Variants in LAMA2 observed in about 807,000 individuals in gnomAD.
LAMA2 encodes laminin subunit alpha 2.
In LAMA2, 269 loss-of-function variants were observed where a neutral mutation model predicts 364.8. That is an observed-to-expected ratio of 0.74 (90% CI 0.67 to 0.82). The LOEUF (loss-of-function observed/expected upper bound fraction) is 0.82. Among genes scored for constraint, LAMA2 ranks in the 40% least tolerant of loss-of-function variants. The pLI is 0.00. For missense variants in LAMA2, 3,807 were observed against 3,873.2 expected (o/e 0.98, Z 0.45); for synonymous variants, 1,379 against 1,370.6 (o/e 1.01, Z -0.14).
rs1583219832 is a variant in LAMA2, at chr6:129,192,796, G to A, written c.1725G>A (p.Arg575=). Reference sequence around the variant, plus strand: ...TCAGCATCAGTAACGCGGAGGCCCGGCAAGCCCTGCCGCACAGCTACTACT... The same window carrying A: ...TCAGCATCAGTAACGCGGAGGCCCGACAAGCCCTGCCGCACAGCTACTACT... The part of the protein sequence containing the change: ...QQISISNAEA[R]QALPHSYYWS... Residue 575 remains arginine, a synonymous_variant, in exon 12 of 65, where the codon CGG becomes CGA. Coordinates refer to ENST00000421865, the MANE Select transcript of LAMA2 (RefSeq NM_000426.4). 1 of 1,614,174 alleles carries A rather than the reference G, an allele frequency of 6.2e-7. No homozygotes were observed. Among genetic ancestry groups the A allele is most frequent in the East Asian group, 2.2e-5 (1 of 44,872 alleles).
chr6:129,477,099 G>A (rs1262780045), intron 53 of LAMA2, among the ~76,000 whole-genome samples: 1 of 152,090 alleles, frequency 6.6e-6, no homozygotes, highest in East Asian at 1.9e-4. Flanking sequence ...TTTTACCGAT[G>A]CTGATTACCA....
At position 129,516,505 on chromosome 6, in the gene LAMA2, ATT is replaced by A; in HGVS notation, c.*161_*162del. On this transcript the variant is annotated 3_prime_UTR_variant, in exon 65 of 65. Transcript: ENST00000421865. ...GGTGCTAATTCAGACTCCAGACTGA[ATT>A]TTAATTCAAGTTCTTTCTCAAGTCT... is the stretch of plus-strand genomic sequence containing the variant. 1.4e-6 allele frequency: 1 copy of A among 703,712 alleles called. No individual in the cohort carries two copies. The highest frequency in any genetic ancestry group is 2.5e-6 in the Non-Finnish European group (1 of 407,186). 43.6% of individuals were successfully genotyped at this position (703,712 alleles called of 1,614,324 possible). A position where few individuals can be genotyped will look rare whatever the true frequency, so the allele number is the denominator to read the frequency against.
chr6:129,364,263 C>G (rs550563112), intron 32 of LAMA2, among the ~76,000 whole-genome samples: 7 of 152,278 alleles, frequency 4.6e-5, no homozygotes, highest in Admixed American at 2.6e-4. Context: ...TTACAAGCAC[C>G]AGTTAATGGT....
chr6:129,191,143 A>G (rs1781501743), intron 11 of LAMA2, among the ~76,000 whole-genome samples: 1 of 152,220 alleles, frequency 6.6e-6, no homozygotes, highest in South Asian at 2.1e-4. Flanking sequence ...TGAATATACT[A>G]AGAATTTGAG....
intron 22 of LAMA2, among the ~76,000 whole-genome samples, chr6:129,311,342 C>G (rs1470380159): frequency 6.6e-6 from 1 of 152,044 alleles, no homozygotes; most frequent in Admixed American, 6.5e-5. Context: ...AGGACGGTCT[C>G]AATCTCCTGA....
intron 3 of LAMA2, among the ~76,000 whole-genome samples, chr6:129,088,506 G>GCGGC (rs1774548810): frequency 2.0e-5 from 3 of 151,270 alleles, no homozygotes; most frequent in Admixed American, 6.6e-5. Flanking sequence ...CCCAGACGGG[G>GCGGC]TGGCTGGCCA....
intron 3 of LAMA2, among the ~76,000 whole-genome samples, chr6:129,061,959 A>T (rs1468040631): frequency 6.6e-6 from 1 of 152,244 alleles, no homozygotes; most frequent in African/African-American, 2.4e-5. Context: ...ATCTCTAAAA[A>T]TGTAATAAAT....
intron 1 of LAMA2, among the ~76,000 whole-genome samples, chr6:128,920,433 G>A (rs1778625149): frequency 6.6e-6 from 1 of 151,998 alleles, no homozygotes; most frequent in Non-Finnish European, 1.5e-5. Context: ...TGGGATTACA[G>A]GCGTGAGCCA....
chr6:129,192,777 T>A lies in LAMA2; in HGVS notation c.1706T>A (p.Ile569Asn), dbSNP rs752165636. Residue 569 changes from isoleucine to asparagine, a missense_variant, in exon 12 of 65, where the codon ATC becomes AAC. Physicochemically the swap from Ile to Asn is moderately radical, Grantham distance 149. Transcript: ENST00000421865. Reference protein sequence around the residue: ...DDLDSPQQISISNAEARQALP... With the variant: ...DDLDSPQQISNSNAEARQALP... ...TTGGACTCACCTCAGCAGATCAGCA[T>A]CAGTAACGCGGAGGCCCGGCAAGCC... 2 of 1,614,190 alleles carry A rather than the reference T, an allele frequency of 1.2e-6. No homozygotes were observed. The highest frequency in any genetic ancestry group is 1.7e-6 in the Non-Finnish European group (2 of 1,180,026).
In LAMA2 at chr6:129,297,725, C is replaced by T. The variant is rs774276037; in HGVS notation, c.2897C>T (p.Pro966Leu). Residue 966 changes from proline to leucine, a missense_variant, in exon 21 of 65, where the codon CCC becomes CTC. Pro to Leu is a moderately conservative substitution (Grantham distance 98). Transcript: ENST00000421865. ...CTACAATCAGCAAGGGGCTGTGTTC[C>T]CTGCAACTGCAATTCTTTTGGGTCT... ...FGLQSARGCV[P>L]CNCNSFGSKS... The T allele has an allele frequency of 1.9e-5, 30 of 1,613,954 alleles. No individual in the cohort carries two copies. Among genetic ancestry groups the T allele is most frequent in the Non-Finnish European group, 2.4e-5 (28 of 1,179,978 alleles).
At chr6:129,482,798 C>T (rs369040987) in intron 55 of LAMA2, among the ~76,000 whole-genome samples, 7 of 152,162 alleles carry the variant, frequency 4.6e-5, no homozygotes, top group African/African-American at 7.2e-5. Flanking sequence ...CAGTGGCTCA[C>T]GCCTGTAATC....
chr6:129,462,640 T>A (rs761883209), intron 49 of LAMA2, among the ~76,000 whole-genome samples: 3 of 152,030 alleles, frequency 2.0e-5, no homozygotes, highest in Non-Finnish European at 4.4e-5. Flanking sequence ...TTTTGTGAGT[T>A]CTCTAATTAC....
intron 4 of LAMA2, among the ~76,000 whole-genome samples, chr6:129,127,834 T>A (rs570352913): frequency 2.0e-5 from 3 of 151,682 alleles, no homozygotes; most frequent in African/African-American, 7.3e-5. Flanking sequence ...TTCAGCTTCC[T>A]TGCTCATTTT....
intron 1 of LAMA2, among the ~76,000 whole-genome samples, chr6:129,043,162 G>A: frequency 6.6e-6 from 1 of 152,072 alleles, no homozygotes; most frequent in Admixed American, 6.5e-5. Context: ...AATATTTGAT[G>A]TTGTCAATCT....
chr6:129,086,800 T>C (rs1188716167), intron 3 of LAMA2, among the ~76,000 whole-genome samples: 1 of 152,234 alleles, frequency 6.6e-6, no homozygotes, highest in Admixed American at 6.5e-5. Flanking sequence ...CAAGTCTCAC[T>C]GAGCTAAAGT....
chr6:128,984,055 C>T (rs993457635), intron 1 of LAMA2, among the ~76,000 whole-genome samples: 2 of 152,114 alleles, frequency 1.3e-5, no homozygotes, highest in Admixed American at 1.3e-4. Context: ...ACCATTGTAT[C>T]CCCCAGTGCT....
intron 62 of LAMA2, among the ~76,000 whole-genome samples, chr6:129,510,958 A>T: frequency 6.6e-6 from 1 of 152,178 alleles, no homozygotes; most frequent in Non-Finnish European, 1.5e-5. Flanking sequence ...ATTTCTGCAA[A>T]TTCACAGATG....
intron 1 of LAMA2, among the ~76,000 whole-genome samples, chr6:129,011,605 G>A (rs1784771280): frequency 5.9e-5 from 9 of 152,158 alleles, no homozygotes; most frequent in Admixed American, 5.9e-4. Flanking sequence ...AAGCATTGGA[G>A]GTGGCAATAG....
intron 58 of LAMA2, among the ~76,000 whole-genome samples, chr6:129,501,867 G>A (rs992310749): frequency 6.6e-6 from 1 of 152,190 alleles, no homozygotes; most frequent in African/African-American, 2.4e-5. Context: ...GTAGCCAAAT[G>A]TGATCTACTC....
Sources: gnomAD v4.1 joint callset for allele counts (sites outside exome capture counted in the v4.1 genomes callset) on GRCh38, gnomAD v4.1.1 for gene constraint, MANE v1.5 for transcripts, NCBI Gene and HGNC (gene_info 2026-07-23, HGNC 2026-07-21) for gene names.